LRRIQ1: variants seen among roughly 807,000 people sequenced by gnomAD.
The protein encoded by LRRIQ1 is leucine rich repeats and IQ motif containing 1.
LRRIQ1 carries 210 observed loss-of-function variants against 211.9 expected under a neutral mutation model. The ratio of observed to expected loss-of-function variants is 0.99; its 90% CI spans 0.89 to 1.11. The LOEUF is 1.11. Ranked by LOEUF, LRRIQ1 falls within the 50% of genes most tolerant of loss-of-function variation. The pLI is 0.00. For synonymous variants in LRRIQ1, 699 were observed against 650.1 expected, an observed-to-expected ratio of 1.08 and a Z score of -1.14; for missense variants, 2,136 against 1,939.5, an observed-to-expected ratio of 1.10 and a Z score of -1.90.
intron 11 of LRRIQ1, among the ~76,000 whole-genome samples, chr12:85,076,858 A>G (rs1283512529): frequency 6.6e-6 from 1 of 152,022 alleles, no homozygotes; most frequent in Non-Finnish European, 1.5e-5. Flanking sequence ...GCTTAGTGTA[A>G]AGCTGAAAGG....
intron 11 of LRRIQ1, among the ~76,000 whole-genome samples, chr12:85,085,602 C>T (rs1884736794): frequency 6.6e-6 from 1 of 152,204 alleles, no homozygotes; most frequent in African/African-American, 2.4e-5. Context: ...TCTCTCCCCT[C>T]TGGTAGTTTC....
chr12:85,043,042 A>C (rs1879087957), intron 3 of LRRIQ1, among the ~76,000 whole-genome samples: 1 of 152,030 alleles, frequency 6.6e-6, no homozygotes, highest in African/African-American at 2.4e-5. Flanking sequence ...CTGTGTTATG[A>C]ATATAGATGT....
intron 17 of LRRIQ1, among the ~76,000 whole-genome samples, chr12:85,127,004 T>TA (rs1246015721): frequency 6.6e-6 from 1 of 152,152 alleles, no homozygotes; most frequent in Non-Finnish European, 1.5e-5. Flanking sequence ...TTACTAATCT[T>TA]TTTAAGCCAA....
At chr12:85,213,659 A>G (rs1045321930) in intron 24 of LRRIQ1, among the ~76,000 whole-genome samples, 7 of 152,044 alleles carry the variant, frequency 4.6e-5, no homozygotes, top group Admixed American at 6.6e-5. Flanking sequence ...CAATGCTAGT[A>G]AACTACAAAT....
intron 10 of LRRIQ1, among the ~76,000 whole-genome samples, chr12:85,070,948 T>C (rs908011925): frequency 6.6e-5 from 10 of 152,006 alleles, no homozygotes; most frequent in African/African-American, 2.2e-4. Context: ...ATGATTAAAA[T>C]AGTATGTTAT....
At chr12:85,145,554 G>A (rs1280076150) in intron 19 of LRRIQ1, among the ~76,000 whole-genome samples, 2 of 151,666 alleles carry the variant, frequency 1.3e-5, no homozygotes, top group Non-Finnish European at 3.0e-5. Flanking sequence ...GAAACTTCAA[G>A]AGACAAATAC....
At chr12:85,049,793 A>C (rs934231786) in intron 6 of LRRIQ1, among the ~76,000 whole-genome samples, 7 of 152,034 alleles carry the variant, frequency 4.6e-5, no homozygotes, top group Non-Finnish European at 1.0e-4. Context: ...ATAACCAATG[A>C]CTTCTATATA....
At chr12:85,147,062 A>T (rs558987416) in intron 19 of LRRIQ1, among the ~76,000 whole-genome samples, 1 of 151,970 alleles carries the variant, frequency 6.6e-6, no homozygotes, top group African/African-American at 2.4e-5. Context: ...TGATAGAGGT[A>T]GGCGCAGACT....
the LRRIQ1 span, among the ~76,000 whole-genome samples, chr12:85,271,744 TA>T: frequency 6.6e-6 from 1 of 152,114 alleles, no homozygotes; most frequent in Non-Finnish European, 1.5e-5. Context: ...TTGAACCCCA[TA>T]AGCTTTGTTT....
At chr12:85,044,445 T>C (rs1245681250) in intron 3 of LRRIQ1, among the ~76,000 whole-genome samples, 2 of 152,126 alleles carry the variant, frequency 1.3e-5, no homozygotes, top group South Asian at 4.1e-4. Flanking sequence ...GCATGATCCT[T>C]TTTGCCTGGG....
intron 24 of LRRIQ1, 55 bp from the exon 25 acceptor site, chr12:85,229,462 G>A: frequency 1.4e-6 from 2 of 1,463,236 alleles, no homozygotes; most frequent in South Asian, 2.9e-5. Context: ...GGAACTGGTT[G>A]GCCAAAGTTT....
chr12:85,123,882 A>G (rs1340907988), intron 16 of LRRIQ1, among the ~76,000 whole-genome samples, 188 bp from the exon 17 acceptor site: 1 of 152,106 alleles, frequency 6.6e-6, no homozygotes, highest in Non-Finnish European at 1.5e-5. Context: ...TAACTAAACA[A>G]ATGTTTTCAA....
At chr12:85,258,392 C>T (rs1205134522) in intron 1 of LRRIQ1, among the ~76,000 whole-genome samples, 1 of 151,676 alleles carries the variant, frequency 6.6e-6, no homozygotes, top group East Asian at 1.9e-4. Flanking sequence ...TACAAAAATA[C>T]TTTTATTCAC....
At chr12:85,161,061 C>A (rs144850601) in intron 24 of LRRIQ1, among the ~76,000 whole-genome samples, 1 of 151,900 alleles carries the variant, frequency 6.6e-6, no homozygotes, top group Non-Finnish European at 1.5e-5. Context: ...GATCACATGT[C>A]GAAATGATAT....
intron 24 of LRRIQ1, among the ~76,000 whole-genome samples, chr12:85,192,059 A>T (rs1440948903): frequency 6.6e-6 from 1 of 151,734 alleles, no homozygotes; most frequent in Non-Finnish European, 1.5e-5. Context: ...ATTGCGTGTC[A>T]CGGGGGGTTG....
At chr12:85,202,310 GGTCAAGT>G (rs760447537) in intron 24 of LRRIQ1, among the ~76,000 whole-genome samples, 3 of 152,174 alleles carry the variant, frequency 2.0e-5, no homozygotes, top group Admixed American at 2.0e-4. Context: ...ACATCCATTT[GGTCAAGT>G]GTCAAGTTCA....
At chr12:85,143,026 C>G (rs1054072103) in intron 19 of LRRIQ1, among the ~76,000 whole-genome samples, 3 of 151,398 alleles carry the variant, frequency 2.0e-5, no homozygotes, top group African/African-American at 7.3e-5. Context: ...TTTTGAAGAG[C>G]CTTCATAGTG....
chr12:85,241,563 A>T (rs560363582), intron 26 of LRRIQ1, among the ~76,000 whole-genome samples: 4 of 152,094 alleles, frequency 2.6e-5, no homozygotes, highest in Admixed American at 2.6e-4. Flanking sequence ...AACTAAATCT[A>T]GATCTCACAT....
At chr12:85,143,936 T>G (rs575375198) in intron 19 of LRRIQ1, among the ~76,000 whole-genome samples, 160 of 151,728 alleles carry the variant, frequency 1.1e-3, no homozygotes, top group Non-Finnish European at 1.8e-3. Flanking sequence ...AATTTTAGTT[T>G]CAGGGGTACA....
Sources: gnomAD v4.1 joint callset for allele counts (sites outside exome capture counted in the v4.1 genomes callset) on GRCh38, gnomAD v4.1.1 for gene constraint, MANE v1.5 for transcripts, NCBI Gene and HGNC (gene_info 2026-07-23, HGNC 2026-07-21) for gene names.